The following SIDT1 variants were observed in gnomAD, a reference collection of about 807,000 sequenced individuals.
SIDT1 encodes the protein SID1 transmembrane family, member 1.
SIDT1 carries 101 observed loss-of-function variants against 107.5 expected under a neutral mutation model. The ratio of observed to expected loss-of-function variants is 0.94; its 90% CI spans 0.80 to 1.11. The LOEUF is 1.11. Ranked by LOEUF, SIDT1 falls within the 50% of genes least tolerant of loss-of-function variation. The pLI, the probability that SIDT1 is intolerant of heterozygous loss-of-function variation, is 0.00. For missense variants in SIDT1, 1,076 were observed against 1,058.2 expected, an observed-to-expected ratio of 1.02 and a Z score of -0.23; for synonymous variants, 395 against 398.2, an observed-to-expected ratio of 0.99 and a Z score of 0.10.
intron 10 of SIDT1, among the ~76,000 whole-genome samples, chr3:113,596,988 A>G (rs1463746962): frequency 6.6e-6 from 1 of 152,206 alleles, no homozygotes; most frequent in Non-Finnish European, 1.5e-5. Context: ...TTGAATTTGG[A>G]GGACTCAAGG....
Position 113,619,654 on chromosome 3 carries a change from T to C in SIDT1, c.2044-26T>C, listed in dbSNP as rs532166046. On this transcript the variant is annotated intron_variant, in intron 20 of 24. Coordinates refer to ENST00000264852, the MANE Select transcript of SIDT1 (RefSeq NM_017699.3). Reference sequence around the variant, plus strand: ...AAAAGTAGGCTGTGCAGCCTCTCATTTGATGTTTTCTTTCCTCTTTTCCAG... The same window carrying C: ...AAAAGTAGGCTGTGCAGCCTCTCATCTGATGTTTTCTTTCCTCTTTTCCAG... 83 of 1,610,954 alleles carry C rather than the reference T, an allele frequency of 5.2e-5. No homozygotes were observed. The East Asian group carries it at 1.7e-3, about 32-fold the overall frequency.
rs536640260 is a variant in SIDT1, at chr3:113,603,940, C to G, written c.1264-20C>G. Reference sequence around the variant, plus strand: ...AGAGCTGAGTACAGTTTTGCATTCTCTTTTTATTTGGCATTCCAGATGTTC... The same window carrying G: ...AGAGCTGAGTACAGTTTTGCATTCTGTTTTTATTTGGCATTCCAGATGTTC... On this transcript the variant is annotated intron_variant, in intron 12 of 24. Coordinates refer to ENST00000264852, the MANE Select transcript of SIDT1 (RefSeq NM_017699.3). 3.1e-6 allele frequency: 5 copies of G among 1,597,444 alleles called. No individual in the cohort carries two copies. In the South Asian group the frequency reaches 3.3e-5, roughly 11 times the overall value.
chr3:113,570,817 T>C (rs1165839720), intron 3 of SIDT1, among the ~76,000 whole-genome samples: 1 of 152,220 alleles, frequency 6.6e-6, no homozygotes, highest in African/African-American at 2.4e-5. Flanking sequence ...GCCTATAATG[T>C]ATATGGAACA....
At chr3:113,561,051 G>A (rs1035566341) in intron 1 of SIDT1, among the ~76,000 whole-genome samples, 1 of 152,178 alleles carries the variant, frequency 6.6e-6, no homozygotes, top group Non-Finnish European at 1.5e-5. Context: ...ACAGGAAAAA[G>A]CAACAAGAGG....
At chr3:113,539,599 G>A (rs776978744) in intron 1 of SIDT1, among the ~76,000 whole-genome samples, 3 of 152,002 alleles carry the variant, frequency 2.0e-5, no homozygotes, top group East Asian at 1.9e-4. Context: ...AGAAATATAC[G>A]GTTTTTATTT....
chr3:113,539,701 C>A (rs1456209362), intron 1 of SIDT1, among the ~76,000 whole-genome samples: 1 of 152,102 alleles, frequency 6.6e-6, no homozygotes. Context: ...TAGTTACTAT[C>A]TTAGTGTGTT....
At chr3:113,571,212 A>G (rs1193072311) in intron 3 of SIDT1, among the ~76,000 whole-genome samples, 2 of 152,206 alleles carry the variant, frequency 1.3e-5, no homozygotes, top group Non-Finnish European at 2.9e-5. Flanking sequence ...ACTTAAGGCC[A>G]GGAGTTCAAG....
chr3:113,580,434 C>T (rs1282984156), intron 4 of SIDT1, among the ~76,000 whole-genome samples, 174 bp from the exon 5 acceptor site: 1 of 152,126 alleles, frequency 6.6e-6, no homozygotes, highest in Non-Finnish European at 1.5e-5. Flanking sequence ...ATTCTTAATG[C>T]CTGGCACAGA....
chr3:113,603,278 A>C, intron 12 of SIDT1, 128 bp downstream of exon 12: 5 of 948,248 alleles, frequency 5.3e-6, no homozygotes, highest in Non-Finnish European at 7.8e-6. Flanking sequence ...AGAAGACTTA[A>C]ATCAAATGTA....
At chr3:113,611,287 T>C in intron 18 of SIDT1, 143 bp downstream of exon 18, 1 of 984,328 alleles carries the variant, frequency 1.0e-6, no homozygotes, top group Non-Finnish European at 1.5e-6. Flanking sequence ...CAATTTCATC[T>C]CATGACACAC....
chr3:113,583,517 C>G, intron 7 of SIDT1, 21 bp downstream of exon 7: 2 of 1,527,054 alleles, frequency 1.3e-6, no homozygotes, highest in Non-Finnish European at 1.8e-6. Context: ...GTGAGGAACA[C>G]TTGGCTGCTT....
chr3:113,558,486 G>T (rs1941110583), intron 1 of SIDT1, among the ~76,000 whole-genome samples: 1 of 152,164 alleles, frequency 6.6e-6, no homozygotes, highest in Non-Finnish European at 1.5e-5. Flanking sequence ...ATCATTTCAA[G>T]GATATTTGCA....
At chr3:113,592,345 GC>G (rs1944220391) in intron 9 of SIDT1, among the ~76,000 whole-genome samples, 1 of 152,186 alleles carries the variant, frequency 6.6e-6, no homozygotes, top group South Asian at 2.1e-4. Context: ...ACTAAATTAT[GC>G]ACTTTAAAGG....
At chr3:113,602,873 T>C in intron 11 of SIDT1, 132 bp from the exon 12 acceptor site, 1 of 863,040 alleles carries the variant, frequency 1.2e-6, no homozygotes, top group Non-Finnish European at 1.7e-6. Context: ...GAACAGGTCT[T>C]GTGAATGAGA....
At chr3:113,547,260 T>G (rs1939695346) in intron 1 of SIDT1, among the ~76,000 whole-genome samples, 1 of 152,126 alleles carries the variant, frequency 6.6e-6, no homozygotes, top group African/African-American at 2.4e-5. Context: ...TTAAAAATAA[T>G]AATAAAAGCA....
In SIDT1 at chr3:113,626,131, C is replaced by T. The variant is rs750650387; in HGVS notation, c.2337C>T (p.Asn779=). The T allele has an allele frequency of 8.1e-6, 13 of 1,613,992 alleles. No homozygotes were observed. In the Admixed American group the frequency reaches 1.8e-4, roughly 23 times the overall value. The change falls in exon 24 of 25, where the codon AAC becomes AAT. Residue 779 remains asparagine (N), a synonymous_variant. Coordinates refer to ENST00000264852, the MANE Select transcript of SIDT1 (RefSeq NM_017699.3). ...EGTPAESREK[N]RECILLDFFD... Reference sequence around the variant, plus strand: ...CTCCGGCCGAATCCCGGGAGAAGAACCGCGAGTGCATTCTGCTGGATTTCT... The same window carrying T: ...CTCCGGCCGAATCCCGGGAGAAGAATCGCGAGTGCATTCTGCTGGATTTCT...
At chr3:113,632,966 AG>A (rs112690048), downstream of SIDT1, 2 of 152,362 alleles carry the variant, frequency 1.3e-5, no homozygotes, top group African/African-American at 4.8e-5. Flanking sequence ...AATGATAATC[AG>A]GCAAAAAGCT....
rs750237152 is a variant in SIDT1 at position 113,628,022 on chromosome 3, C to T, written c.*314C>T. ...GTCAACTCACCATCTTGGGGTCCCT[C>T]CCACCCTCACGGAGACTTGCCAGCA... On this transcript the variant is annotated 3_prime_UTR_variant, in exon 25 of 25. Transcript: ENST00000264852. The T allele has an allele frequency of 1.2e-4, 42 of 345,200 alleles. No individual in the cohort carries two copies. The highest frequency in any genetic ancestry group is 8.7e-4 in the Middle Eastern group (1 of 1,154). 21.4% of individuals were successfully genotyped at this position (345,200 alleles called of 1,614,324 possible).
Position 113,566,482 on chromosome 3 carries a change from T to C in SIDT1, c.285T>C (p.Val95=), listed in dbSNP as rs766596785. ...AGAATCTCAACTACCCGGTCCTTGT[T>C]GTGGTTCGCCAGCAGAAAGAGGTGC... ...SSENLNYPVL[V]VVRQQKEVLS... Residue 95 remains valine (V), a synonymous_variant, in exon 2 of 25, where the codon GTT becomes GTC. Coordinates refer to ENST00000264852, the MANE Select transcript of SIDT1 (RefSeq NM_017699.3). 1 of 1,614,156 alleles carries C rather than the reference T, an allele frequency of 6.2e-7. No homozygotes were observed. Among genetic ancestry groups the C allele is most frequent in the South Asian group, 1.1e-5 (1 of 91,078 alleles).
Sources: allele counts gnomAD v4.1 joint callset (sites outside exome capture counted in the v4.1 genomes callset), GRCh38; gene constraint gnomAD v4.1.1; transcripts MANE v1.5; gene names NCBI Gene and HGNC (gene_info 2026-07-23, HGNC 2026-07-21).